The following CNTNAP2 variants were observed in gnomAD, a reference collection of about 807,000 sequenced individuals.
CNTNAP2 encodes the protein contactin-associated protein-like 2.
Under a neutral mutation model 155.2 loss-of-function variants are expected in CNTNAP2, and 98 were observed. That is an observed-to-expected ratio of 0.63 (90% CI 0.54 to 0.75). CNTNAP2 has a LOEUF of 0.75. Among genes scored for constraint, CNTNAP2 ranks in the 30% least tolerant of loss-of-function variants. CNTNAP2 has a pLI of 0.00. For synonymous variants in CNTNAP2, 651 were observed against 631.2 expected (o/e 1.03, Z -0.47); for missense variants, 1,727 against 1,688.1 (o/e 1.02, Z -0.40).
intron 15 of CNTNAP2, among the ~76,000 whole-genome samples, chr7:148,102,520 C>A (rs1204004009): frequency 6.6e-6 from 1 of 152,130 alleles, no homozygotes; most frequent in Non-Finnish European, 1.5e-5. Context: ...GAATGCAAAA[C>A]CTCAATTTTA....
chr7:147,871,459 A>G (rs1563118863), intron 13 of CNTNAP2, among the ~76,000 whole-genome samples: 1 of 152,152 alleles, frequency 6.6e-6, no homozygotes, highest in East Asian at 1.9e-4. Flanking sequence ...CCAGTCCAGT[A>G]TTATGGGACT....
chr7:146,251,996 T>A (rs1249674314), intron 1 of CNTNAP2, among the ~76,000 whole-genome samples: 2 of 152,032 alleles, frequency 1.3e-5, no homozygotes, highest in Admixed American at 1.3e-4. Context: ...GACTGCCGGG[T>A]GAGTTTGGGT....
rs565055144 is a variant in CNTNAP2 at position 147,762,621 on chromosome 7, CTG to C, written c.2098+123318_2098+123319del. On this transcript the variant is annotated intron_variant, in intron 13 of 23. Coordinates refer to ENST00000361727, the MANE Select transcript of CNTNAP2 (RefSeq NM_014141.6). ...TTAACTGGAATTAACTGTTAATTAA[CTG>C]TGCTCAGTAATTAACTACTGAATTA... Among the ~76,000 whole-genome samples the C allele has an allele frequency of 4.8e-4, 72 of 150,236 alleles. No individual in the cohort carries two copies. The South Asian group carries it at 0.012, about 24-fold the overall frequency.
At chr7:148,391,444 G>T (rs1242846182) in intron 22 of CNTNAP2, among the ~76,000 whole-genome samples, 2 of 152,164 alleles carry the variant, frequency 1.3e-5, no homozygotes, top group Non-Finnish European at 2.9e-5. Context: ...GATTTAAGTT[G>T]ACTTGATTTA....
chr7:148,318,192 G>A (rs1263036018), intron 21 of CNTNAP2, among the ~76,000 whole-genome samples: 2 of 152,104 alleles, frequency 1.3e-5, no homozygotes, highest in Non-Finnish European at 2.9e-5. Flanking sequence ...TTTCTTGCAG[G>A]CCCATCAGTT....
chr7:146,933,974 C>T (rs1796849000), intron 3 of CNTNAP2, among the ~76,000 whole-genome samples: 1 of 152,062 alleles, frequency 6.6e-6, no homozygotes, highest in South Asian at 2.1e-4. Context: ...GAAATAGGAA[C>T]ACTTTTACAC....
intron 8 of CNTNAP2, among the ~76,000 whole-genome samples, chr7:147,214,307 A>G (rs1803221357): frequency 6.6e-6 from 1 of 152,172 alleles, no homozygotes; most frequent in Non-Finnish European, 1.5e-5. Context: ...GCTTAGGAGC[A>G]CAGACTCCAG....
chr7:147,957,520 G>A (rs1265152276), intron 14 of CNTNAP2, among the ~76,000 whole-genome samples: 1 of 152,088 alleles, frequency 6.6e-6, no homozygotes, highest in Non-Finnish European at 1.5e-5. Flanking sequence ...TATCACCAGG[G>A]GAGTAGGTGG....
intron 3 of CNTNAP2, among the ~76,000 whole-genome samples, chr7:146,985,840 A>C (rs1798106016): frequency 1.3e-5 from 2 of 152,128 alleles, no homozygotes; most frequent in Admixed American, 1.3e-4. Context: ...TTGGCCAACT[A>C]TCAATTGTTA....
chr7:147,631,675 C>A (rs1795087701), intron 12 of CNTNAP2, among the ~76,000 whole-genome samples: 1 of 151,984 alleles, frequency 6.6e-6, no homozygotes, highest in African/African-American at 2.4e-5. Flanking sequence ...GAAATATAGC[C>A]AAATATTTAA....
chr7:146,259,982 G>A (rs573943149), intron 1 of CNTNAP2, among the ~76,000 whole-genome samples: 33 of 152,286 alleles, frequency 2.2e-4, no homozygotes, highest in African/African-American at 7.5e-4. Context: ...CCTGGGCCAA[G>A]CCCAGGGCGA....
At chr7:148,159,429 C>A (rs541351703) in intron 17 of CNTNAP2, among the ~76,000 whole-genome samples, 1 of 152,250 alleles carries the variant, frequency 6.6e-6, no homozygotes, top group African/African-American at 2.4e-5. Flanking sequence ...AGATCCCATT[C>A]TGTTTCTTAC....
chr7:147,322,380 T>G (rs1185095498), intron 9 of CNTNAP2, among the ~76,000 whole-genome samples: 1 of 152,234 alleles, frequency 6.6e-6, no homozygotes, highest in African/African-American at 2.4e-5. Flanking sequence ...ATATTATCTG[T>G]GAATTTGATT....
At chr7:146,811,517 A>T (rs2129193848) in intron 2 of CNTNAP2, among the ~76,000 whole-genome samples, 1 of 151,906 alleles carries the variant, frequency 6.6e-6, no homozygotes, top group African/African-American at 2.4e-5. Context: ...TTACTTTGTT[A>T]GTCTTTTTTT....
chr7:146,761,546 C>T (rs572713134), intron 1 of CNTNAP2, among the ~76,000 whole-genome samples: 2 of 152,166 alleles, frequency 1.3e-5, no homozygotes, highest in South Asian at 2.1e-4. Context: ...TTGTTTTTGT[C>T]TCTTTCTTGA....
At chr7:146,343,437 C>G (rs1053909558) in intron 1 of CNTNAP2, among the ~76,000 whole-genome samples, 2 of 152,040 alleles carry the variant, frequency 1.3e-5, no homozygotes, top group African/African-American at 4.8e-5. Flanking sequence ...CTGATACGTT[C>G]CGCCTTTGCT....
At chr7:147,517,454 C>T (rs897003361) in intron 11 of CNTNAP2, among the ~76,000 whole-genome samples, 2 of 152,194 alleles carry the variant, frequency 1.3e-5, no homozygotes, top group Non-Finnish European at 2.9e-5. Flanking sequence ...TCATTACAAA[C>T]AGCAAATTGA....
intron 3 of CNTNAP2, among the ~76,000 whole-genome samples, chr7:146,909,139 G>A (rs373911513): frequency 6.6e-6 from 1 of 152,012 alleles, no homozygotes; most frequent in African/African-American, 2.4e-5. Flanking sequence ...AATAACAGGA[G>A]CTGAAATTGT....
At chr7:147,857,473 A>G (rs944317089) in intron 13 of CNTNAP2, among the ~76,000 whole-genome samples, 1 of 152,250 alleles carries the variant, frequency 6.6e-6, no homozygotes, top group African/African-American at 2.4e-5. Flanking sequence ...GCTAGTATGA[A>G]TGTGACTCTA....
Sources: allele counts gnomAD v4.1 joint callset (sites outside exome capture counted in the v4.1 genomes callset), GRCh38; gene constraint gnomAD v4.1.1; transcripts MANE v1.5; gene names NCBI Gene and HGNC (gene_info 2026-07-23, HGNC 2026-07-21).